The following LRRFIP1 variants were observed in gnomAD, a reference collection of about 807,000 sequenced individuals.
The protein encoded by LRRFIP1 is LRR binding FLII interacting protein 1.
Under a neutral mutation model 104.4 loss-of-function variants are expected in LRRFIP1, and 62 were observed. The observed-to-expected ratio is 0.59, with a 90% CI of 0.48 to 0.73. The LOEUF is 0.73. Among genes scored for constraint, LRRFIP1 ranks in the 30% least tolerant of loss-of-function variants. The probability of loss-of-function intolerance (pLI) is 0.00; values close to 1 mark genes in which losing one functional copy is unlikely to be tolerated. For synonymous variants in LRRFIP1, 300 were observed against 299.0 expected (o/e 1.00, Z -0.03); for missense variants, 796 against 824.5 (o/e 0.97, Z 0.42).
In LRRFIP1 at chr2:237,646,710, C is replaced by T. The variant is rs919769749; in HGVS notation, c.96+18970C>T. Among the ~76,000 whole-genome samples, 17 of 151,894 alleles carry T rather than the reference C, an allele frequency of 1.1e-4. 1 individual carries two copies. Among genetic ancestry groups the T allele is most frequent in the Admixed American group, 1.3e-4 (2 of 15,270 alleles). On this transcript the variant is annotated intron_variant, in intron 1 of 23. Coordinates refer to ENST00000308482, the MANE Select transcript of LRRFIP1 (RefSeq NM_001137550.2). Reference sequence around the variant, plus strand: ...CACCAGAGAGCTCACTCTGCCTCCGCATGCACACACAGTGTGGGCCGTGTG... The same window carrying T: ...CACCAGAGAGCTCACTCTGCCTCCGTATGCACACACAGTGTGGGCCGTGTG...
intron 1 of LRRFIP1, among the ~76,000 whole-genome samples, chr2:237,631,968 G>A (rs1045964799): frequency 4.6e-5 from 7 of 152,310 alleles, no homozygotes; most frequent in African/African-American, 1.4e-4. Flanking sequence ...CTGCGGCCTC[G>A]GGCCCTGATC....
At chr2:237,633,512 G>A (rs951193483) in intron 1 of LRRFIP1, among the ~76,000 whole-genome samples, 3 of 146,336 alleles carry the variant, frequency 2.1e-5, no homozygotes, top group South Asian at 2.1e-4. Context: ...TCAGGGTTGG[G>A]ATGTGTGTGT....
chr2:237,667,613 A>G (rs932807335), intron 1 of LRRFIP1, among the ~76,000 whole-genome samples: 2 of 152,160 alleles, frequency 1.3e-5, no homozygotes, highest in East Asian at 3.8e-4. Context: ...CTGGTTCTAG[A>G]TCCCTGAGGA....
chr2:237,745,494 T>G (rs1576164588), intron 11 of LRRFIP1, among the ~76,000 whole-genome samples: 2 of 152,338 alleles, frequency 1.3e-5, no homozygotes, highest in Admixed American at 1.3e-4. Context: ...CTATGGTTTT[T>G]GGGGTTTTTT....
In LRRFIP1 at chr2:237,711,012, T is replaced by C. The variant is rs2094052183; in HGVS notation, c.183+2382T>C. On this transcript the variant is annotated intron_variant, in intron 2 of 23. Transcript: ENST00000308482. This position sits in a 1 kb window ranked among gnomAD's most constrained non-coding sequence, Gnocchi z 4.4. ...GGAGCCTGAAGCAATGATCGGGCCA[T>C]GATTGTCCCTGTGTGTAGCCACTGC... Among the ~76,000 whole-genome samples the C allele has an allele frequency of 6.6e-6, 1 of 152,178 alleles. No individual in the cohort carries two copies. Among genetic ancestry groups the C allele is most frequent in the African/African-American group, 2.4e-5 (1 of 41,448 alleles).
intron 7 of LRRFIP1, 133 bp downstream of exon 7, chr2:237,723,719 G>A (rs991372386): frequency 9.0e-6 from 10 of 1,116,820 alleles, no homozygotes; most frequent in South Asian, 1.3e-5. Flanking sequence ...GGCCAGGAGG[G>A]CAGGCTTACC....
intron 19 of LRRFIP1, chr2:237,764,499 C>T: frequency 1.2e-5 from 13 of 1,116,132 alleles, no homozygotes; most frequent in Non-Finnish European, 1.4e-5. Flanking sequence ...ATATCAGCAT[C>T]TAATTGAAAT....
chr2:237,707,207 A>G (rs2093853411), intron 1 of LRRFIP1, among the ~76,000 whole-genome samples: 1 of 151,818 alleles, frequency 6.6e-6, no homozygotes, highest in Non-Finnish European at 1.5e-5. Flanking sequence ...GATGGGAGAG[A>G]GGGACGTCCC....
At chr2:237,777,159 A>G (rs1490039868) in intron 23 of LRRFIP1, among the ~76,000 whole-genome samples, 1 of 152,210 alleles carries the variant, frequency 6.6e-6, no homozygotes, top group Non-Finnish European at 1.5e-5. Context: ...GTATATGTGT[A>G]TATGTATATG....
rs1264638639 is a variant in LRRFIP1, at chr2:237,661,686, A to T, written c.96+33946A>T. Among the ~76,000 whole-genome samples, 1 of 152,246 alleles carries T rather than the reference A, an allele frequency of 6.6e-6. No individual in the cohort carries two copies. The highest frequency in any genetic ancestry group is 1.9e-4 in the East Asian group (1 of 5,174). On this transcript the variant is annotated intron_variant, in intron 1 of 23. Transcript: ENST00000308482. This position sits in a 1 kb window ranked among gnomAD's most constrained non-coding sequence, Gnocchi z 4.4. The stretch of plus-strand genomic sequence containing the variant: ...CGTTCCGAAAGCACATTCCAGGGGG[A>T]CAGTTGTGTCCCTGGTGCAACACGG...
chr2:237,747,410 G>A (rs1233416306), intron 11 of LRRFIP1, among the ~76,000 whole-genome samples: 1 of 152,204 alleles, frequency 6.6e-6, no homozygotes, highest in Non-Finnish European at 1.5e-5. Context: ...CCATAGATGG[G>A]AAGTGGTCAT....
intron 1 of LRRFIP1, among the ~76,000 whole-genome samples, chr2:237,635,797 C>CA (rs1242854168): frequency 5.3e-5 from 8 of 151,796 alleles, no homozygotes; most frequent in Admixed American, 4.6e-4. Flanking sequence ...CCCATCTCCA[C>CA]AAAAAAGAAA....
intron 1 of LRRFIP1, among the ~76,000 whole-genome samples, chr2:237,672,598 G>A (rs1302610449): frequency 6.6e-6 from 1 of 152,078 alleles, no homozygotes; most frequent in Admixed American, 6.5e-5. Flanking sequence ...AAGAAAGCAG[G>A]GAATTTTCTG....
intron 2 of LRRFIP1, among the ~76,000 whole-genome samples, chr2:237,712,660 T>C (rs552354023): frequency 6.6e-6 from 1 of 152,150 alleles, no homozygotes; most frequent in African/African-American, 2.4e-5. Context: ...TGTGCATGTG[T>C]GTGCATGTGC....
intron 1 of LRRFIP1, among the ~76,000 whole-genome samples, chr2:237,666,948 T>A (rs868365861): frequency 6.9e-6 from 1 of 145,708 alleles, no homozygotes; most frequent in African/African-American, 2.5e-5. Flanking sequence ...TTCTTTCTTT[T>A]TCTTTCTTTC....
intron 13 of LRRFIP1, 43 bp downstream of exon 13, chr2:237,749,367 G>T: frequency 1.3e-6 from 2 of 1,596,876 alleles, no homozygotes; most frequent in Non-Finnish European, 8.5e-7. Flanking sequence ...AGAACCTTTT[G>T]TAAAAATCAG....
At chr2:237,690,883 G>A (rs2092711137) in intron 1 of LRRFIP1, among the ~76,000 whole-genome samples, 1 of 152,180 alleles carries the variant, frequency 6.6e-6, no homozygotes, top group Non-Finnish European at 1.5e-5. Flanking sequence ...ATCAAAGACA[G>A]CTTGGCCTCT....
intron 1 of LRRFIP1, among the ~76,000 whole-genome samples, chr2:237,667,339 G>C (rs999475365): frequency 6.6e-6 from 1 of 152,172 alleles, no homozygotes; most frequent in Admixed American, 6.5e-5. Flanking sequence ...AGTTTGCTGA[G>C]AATTGTGGCT....
chr2:237,727,212 C>T (rs1416612172), intron 7 of LRRFIP1, among the ~76,000 whole-genome samples: 3 of 152,032 alleles, frequency 2.0e-5, no homozygotes, highest in Non-Finnish European at 2.9e-5. Flanking sequence ...AAAAATTAGC[C>T]GGGCGTGGTG....
Sources: gnomAD v4.1 joint callset for allele counts (sites outside exome capture counted in the v4.1 genomes callset) on GRCh38, gnomAD v4.1.1 for gene constraint, Gnocchi (gnomAD v3.1) non-coding constraint, MANE v1.5 for transcripts, NCBI Gene and HGNC (gene_info 2026-07-23, HGNC 2026-07-21) for gene names.